The following RGS7 variants were observed in gnomAD, a reference collection of about 807,000 sequenced individuals.
RGS7 encodes the protein regulator of G-protein signaling 7.
RGS7 carries 27 observed loss-of-function variants against 81.1 expected under a neutral mutation model. The ratio of observed to expected loss-of-function variants is 0.33; its 90% CI spans 0.25 to 0.46. The LOEUF is 0.46. Ranked by LOEUF, RGS7 falls within the 20% of genes least tolerant of loss-of-function variation. RGS7 has a pLI of 1.00. For missense variants in RGS7, 396 were observed against 607.4 expected (o/e 0.65, Z 3.66); for synonymous variants, 208 against 207.7 (o/e 1.00, Z -0.01).
intron 2 of RGS7, among the ~76,000 whole-genome samples, chr1:241,234,560 A>G (rs2075829427): frequency 1.3e-5 from 2 of 151,812 alleles, no homozygotes; most frequent in South Asian, 4.1e-4. Flanking sequence ...TGAGTGGATG[A>G]AGTGAAGTGA....
Position 241,083,751 on chromosome 1 carries a change from C to T in RGS7, c.175+14915G>A, listed in dbSNP as rs115297171. Among the ~76,000 whole-genome samples the T allele has an allele frequency of 7.6e-3, 1,162 of 152,056 alleles. 10 individuals are homozygous for T. The highest frequency in any genetic ancestry group is 0.026 in the African/African-American group (1,086 of 41,458). On this transcript the variant is annotated intron_variant, in intron 3 of 18. Transcript: ENST00000440928. Reference sequence around the variant, plus strand: ...TTATCTGTTTGTATCCTTGAATTTTCTCTGGGATGTTATAAAAGAAAAATA... The same window carrying T: ...TTATCTGTTTGTATCCTTGAATTTTTTCTGGGATGTTATAAAAGAAAAATA...
At chr1:241,214,190 A>G (rs2074418272) in intron 2 of RGS7, among the ~76,000 whole-genome samples, 1 of 152,054 alleles carries the variant, frequency 6.6e-6, no homozygotes, top group South Asian at 2.1e-4. Flanking sequence ...AGCATTTCTC[A>G]TGTTATAGAC....
At chr1:241,179,445 TAA>T (rs2071420687) in intron 2 of RGS7, among the ~76,000 whole-genome samples, 2 of 152,302 alleles carry the variant, frequency 1.3e-5, no homozygotes, top group Admixed American at 6.5e-5. Context: ...CAGTCAGTGT[TAA>T]GAGATTAGCC....
intron 10 of RGS7, among the ~76,000 whole-genome samples, chr1:240,817,809 G>A (rs1448387319): frequency 2.0e-5 from 3 of 152,116 alleles, no homozygotes. Context: ...CACCATGTTG[G>A]CCAGGCTGGT....
At chr1:241,215,999 C>T (rs542107845) in intron 2 of RGS7, among the ~76,000 whole-genome samples, 12 of 152,030 alleles carry the variant, frequency 7.9e-5, no homozygotes, top group South Asian at 2.1e-4. Flanking sequence ...AGGCCGGGCG[C>T]GGTGGCTCAC....
chr1:241,121,547 T>A (rs987905706), intron 2 of RGS7, among the ~76,000 whole-genome samples: 1 of 152,214 alleles, frequency 6.6e-6, no homozygotes, highest in East Asian at 1.9e-4. Context: ...GGTTCCAGGA[T>A]AATATGTCTG....
intron 2 of RGS7, among the ~76,000 whole-genome samples, chr1:241,198,284 A>C (rs1461724992): frequency 6.6e-6 from 1 of 152,062 alleles, no homozygotes; most frequent in Non-Finnish European, 1.5e-5. Flanking sequence ...CTAAACTCAA[A>C]AAATCAACAA....
At chr1:240,822,905 C>G (rs1490498021) in intron 10 of RGS7, 5 of 393,962 alleles carry the variant, frequency 1.3e-5, no homozygotes, top group South Asian at 1.2e-4. Context: ...CAAGATGAGG[C>G]TGGATAGTAA....
chr1:241,218,863 T>C (rs1188955876), intron 2 of RGS7, among the ~76,000 whole-genome samples: 4 of 152,124 alleles, frequency 2.6e-5, no homozygotes, highest in Non-Finnish European at 5.9e-5. Flanking sequence ...CTGGCAAGAC[T>C]GGTCTTGAAC....
chr1:241,154,725 G>A (rs2068991885), intron 2 of RGS7, among the ~76,000 whole-genome samples: 1 of 152,166 alleles, frequency 6.6e-6, no homozygotes, highest in Non-Finnish European at 1.5e-5. Flanking sequence ...AATTGGCAGA[G>A]CTGGGAGACT....
intron 6 of RGS7, among the ~76,000 whole-genome samples, chr1:240,873,688 C>A (rs1057057435): frequency 3.9e-5 from 6 of 152,100 alleles, no homozygotes; most frequent in Non-Finnish European, 7.4e-5. Context: ...ATGCCCATGA[C>A]AAAGGTATGA....
chr1:241,107,238 T>C (rs565627086), intron 2 of RGS7, among the ~76,000 whole-genome samples: 48 of 152,314 alleles, frequency 3.2e-4, no homozygotes, highest in African/African-American at 1.1e-3. Flanking sequence ...ACAGCAAAAA[T>C]GGCTGCCCTT....
chr1:241,207,950 G>C (rs182807026), intron 2 of RGS7, among the ~76,000 whole-genome samples: 24 of 152,234 alleles, frequency 1.6e-4, no homozygotes, highest in South Asian at 8.3e-4. Flanking sequence ...CTGTCACCCA[G>C]GCTGGAGTGC....
intron 9 of RGS7, among the ~76,000 whole-genome samples, chr1:240,827,641 T>A (rs944300630): frequency 6.6e-6 from 1 of 151,996 alleles, no homozygotes; most frequent in African/African-American, 2.4e-5. Flanking sequence ...GGTGGGTGGA[T>A]CACCTGAGGT....
intron 18 of RGS7, among the ~76,000 whole-genome samples, chr1:240,784,707 T>C (rs1302558617): frequency 6.6e-6 from 1 of 151,950 alleles, no homozygotes; most frequent in Non-Finnish European, 1.5e-5. Flanking sequence ...GCTATCCTTT[T>C]GCAATTCCTG....
intron 2 of RGS7, among the ~76,000 whole-genome samples, chr1:241,295,171 G>A (rs185217078): frequency 8.5e-5 from 13 of 152,162 alleles, no homozygotes; most frequent in South Asian, 4.2e-4. Flanking sequence ...GTTTGCGGCC[G>A]GGTGCGGTGG....
intron 2 of RGS7, among the ~76,000 whole-genome samples, chr1:241,192,091 G>T (rs539231590): frequency 6.6e-6 from 1 of 151,276 alleles, no homozygotes; most frequent in East Asian, 2.0e-4. Context: ...GGAATAGAAA[G>T]GTTATTATCT....
chr1:241,024,009 C>A (rs1048888922), intron 3 of RGS7, among the ~76,000 whole-genome samples: 9 of 152,142 alleles, frequency 5.9e-5, no homozygotes, highest in African/African-American at 2.2e-4. Context: ...GCCTTGGCCT[C>A]CCAAAATTGT....
At chr1:240,819,617 G>A (rs4659579) in intron 10 of RGS7, among the ~76,000 whole-genome samples, 104,018 of 152,050 alleles carry the variant, frequency 0.68, 36,393 homozygotes, top group Non-Finnish European at 0.77. Flanking sequence ...ATGTGCCTGT[G>A]GTCCCAGCTA....
Sources: allele counts gnomAD v4.1 joint callset (sites outside exome capture counted in the v4.1 genomes callset), GRCh38; gene constraint gnomAD v4.1.1; transcripts MANE v1.5; gene names NCBI Gene and HGNC (gene_info 2026-07-23, HGNC 2026-07-21).